DMD: variants seen among roughly 807,000 people sequenced by gnomAD.
The protein encoded by DMD is dystrophin.
A neutral mutation model predicts 330.1 loss-of-function variants in DMD; 63 were observed. The ratio of observed to expected loss-of-function variants is 0.19; its 90% CI spans 0.16 to 0.24. DMD has a LOEUF of 0.24. Among genes scored for constraint, DMD ranks in the 10% least tolerant of loss-of-function variants. The pLI, the probability that DMD is intolerant of heterozygous loss-of-function variation, is 1.00. For missense variants in DMD, 3,344 were observed against 2,684.1 expected (o/e 1.25, Z -5.43); for synonymous variants, 1,223 against 959.8 (o/e 1.27, Z -5.07).
intron 37 of DMD, among the ~76,000 whole-genome samples, chrX:32,351,534 A>G (rs1337952697): frequency 9.2e-6 from 1 of 109,009 alleles, no homozygotes; most frequent in Non-Finnish European, 1.9e-5. Context: ...GAAAAGGCAT[A>G]CCACAGATAC....
intron 74 of DMD, among the ~76,000 whole-genome samples, chrX:31,160,712 G>C (rs1458501990): frequency 1.8e-5 from 2 of 111,295 alleles, no homozygotes; most frequent in Non-Finnish European, 3.8e-5. Flanking sequence ...ACTGTCCTTG[G>C]AATCCTTTTT....
At chrX:32,063,734 G>A (rs543171283) in intron 44 of DMD, among the ~76,000 whole-genome samples, 1 of 110,212 alleles carries the variant, frequency 9.1e-6, no homozygotes, top group East Asian at 2.8e-4. Flanking sequence ...TATATTTGTG[G>A]GTTACTTATT....
chrX:33,052,195 CTG>C (rs2094465867), intron 1 of DMD, among the ~76,000 whole-genome samples: 1 of 111,883 alleles, frequency 8.9e-6, no homozygotes, highest in Non-Finnish European at 1.9e-5. Flanking sequence ...TGTTTCCAAA[CTG>C]TTTTTTCTAG....
chrX:32,673,159 T>C (rs954436815), intron 9 of DMD, among the ~76,000 whole-genome samples: 1 of 111,221 alleles, frequency 9.0e-6, no homozygotes, highest in Non-Finnish European at 1.9e-5. Context: ...TATCAGGAAG[T>C]GGGTTGTTGA....
chrX:32,233,779 T>G (rs970835381), intron 43 of DMD, among the ~76,000 whole-genome samples: 2 of 108,857 alleles, frequency 1.8e-5, no homozygotes, highest in Non-Finnish European at 3.8e-5. Context: ...GTTACAGGCA[T>G]GCGCCACCAT....
In DMD at chrX:31,474,729, AAAT is replaced by A. The variant is rs1337029395; in HGVS notation, c.8937+3374_8937+3376del. Among the ~76,000 whole-genome samples, 5 of 104,134 alleles carry A rather than the reference AAAT, an allele frequency of 4.8e-5. No individual in the cohort carries two copies. The South Asian group carries it at 2.1e-3, about 43-fold the overall frequency. The allele number at this position is 104,134 out of a possible 115,157, so 90.4% of individuals were successfully genotyped here. ...CGCAAAAAAAAAATAAAATAAAATA[AAAT>A]AAAATAAAATAAAATAAAATAAAAA... is the stretch of plus-strand genomic sequence containing the variant. On this transcript the variant is annotated intron_variant, in intron 59 of 78. Coordinates refer to ENST00000357033, the MANE Select transcript of DMD (RefSeq NM_004006.3).
intron 44 of DMD, among the ~76,000 whole-genome samples, chrX:32,151,082 T>C (rs1480090479): frequency 4.5e-5 from 5 of 111,781 alleles, no homozygotes; most frequent in Admixed American, 2.9e-4. Flanking sequence ...ATACTTTGTG[T>C]GTAAGATAAA....
At chrX:33,181,850 C>G (rs1456789565) in intron 1 of DMD, among the ~76,000 whole-genome samples, 2 of 111,957 alleles carry the variant, frequency 1.8e-5, no homozygotes, top group Non-Finnish European at 3.8e-5. Flanking sequence ...TTCCTTCAAC[C>G]TTTGTAAGAT....
intron 63 of DMD, among the ~76,000 whole-genome samples, chrX:31,235,684 T>C (rs1298598720): frequency 1.8e-5 from 2 of 112,554 alleles, no homozygotes; most frequent in East Asian, 5.5e-4. Context: ...CTTCAAATAA[T>C]ATAATTTTCC....
chrX:31,344,019 G>A lies in DMD; in HGVS notation c.9163+4537C>T, dbSNP rs1046828569. 7.2e-5 allele frequency among the ~76,000 whole-genome samples: 6 copies of A among 83,059 alleles called. No individual in the cohort carries two copies. The Admixed American group carries it at 8.2e-4, about 11-fold the overall frequency. The allele number at this position is 83,059 out of a possible 115,157, so 72.1% of individuals were successfully genotyped here. On this transcript the variant is annotated intron_variant, in intron 61 of 78. Coordinates refer to ENST00000357033, the MANE Select transcript of DMD (RefSeq NM_004006.3). ...AAATTTAGGGTCAGGGTCTTGCTCT[G>A]TCACACAGATTGGAGTGCGGGGGGG...
chrX:31,543,769 T>C (rs1179056100), intron 55 of DMD, among the ~76,000 whole-genome samples: 2 of 111,321 alleles, frequency 1.8e-5, no homozygotes, highest in African/African-American at 6.5e-5. Flanking sequence ...CACTAAATTC[T>C]TTGAGTAGCA....
At chrX:31,241,865 G>A (rs1385847015) in intron 63 of DMD, among the ~76,000 whole-genome samples, 2 of 111,544 alleles carry the variant, frequency 1.8e-5, no homozygotes, top group Non-Finnish European at 3.8e-5. Context: ...ATTTAACAAT[G>A]TTTTTCCCAT....
intron 60 of DMD, among the ~76,000 whole-genome samples, chrX:31,387,788 C>G (rs2060513684): frequency 9.0e-6 from 1 of 110,896 alleles, no homozygotes; most frequent in African/African-American, 3.3e-5. Context: ...TCCTCATGAA[C>G]TTTCGGGTCT....
At chrX:32,463,975 T>G (rs1393954105) in intron 24 of DMD, among the ~76,000 whole-genome samples, 1 of 111,741 alleles carries the variant, frequency 8.9e-6, no homozygotes, top group African/African-American at 3.3e-5. Flanking sequence ...GGTGTGAAGG[T>G]TATTTGTGAG....
intron 55 of DMD, among the ~76,000 whole-genome samples, chrX:31,564,362 T>C (rs1382855854): frequency 4.5e-5 from 5 of 111,824 alleles, no homozygotes; most frequent in Non-Finnish European, 9.4e-5. Flanking sequence ...GTGTATCGTA[T>C]GCTACCATTA....
At chrX:32,917,892 G>A (rs1027003718) in intron 2 of DMD, among the ~76,000 whole-genome samples, 8 of 109,409 alleles carry the variant, frequency 7.3e-5, no homozygotes, top group Non-Finnish European at 1.3e-4. Context: ...AGAAGCTTAT[G>A]ATAGCTTTCT....
chrX:31,436,191 A>T (rs1358911663), intron 60 of DMD, among the ~76,000 whole-genome samples: 1 of 112,351 alleles, frequency 8.9e-6, no homozygotes, highest in Non-Finnish European at 1.9e-5. Flanking sequence ...CATAATAGCT[A>T]GCCTTAGAAC....
rs777955789 is a variant in DMD at position 32,454,675 on chromosome X, A to G, written c.3590T>C (p.Val1197Ala). 3.4e-6 allele frequency: 4 copies of G among 1,183,820 alleles called. No homozygotes were observed. Among genetic ancestry groups the G allele is most frequent in the Non-Finnish European group, 4.5e-6 (4 of 882,900 alleles). ...YKTPDELQKA[V>A]EEMKRAKEEA... ...TTTTTTTTTTACCTTCATCTCTTCA[A>G]CTGCTTTCTGTAATTCATCTGGAGT... The change falls in exon 26 of 79, where the codon GTT (valine) becomes GCT (alanine). Residue 1197 changes from valine to alanine, a missense_variant. By Grantham distance (64) the Val-to-Ala change is moderately conservative. Coordinates refer to ENST00000357033, the MANE Select transcript of DMD (RefSeq NM_004006.3).
intron 55 of DMD, among the ~76,000 whole-genome samples, chrX:31,576,860 C>T (rs191210238): frequency 1.3e-3 from 137 of 109,048 alleles, no homozygotes; most frequent in Non-Finnish European, 2.3e-3. Context: ...GGACTACAGG[C>T]GCCCACCACC....
Sources: gnomAD v4.1 joint callset for allele counts (sites outside exome capture counted in the v4.1 genomes callset) on GRCh38, gnomAD v4.1.1 for gene constraint, MANE v1.5 for transcripts, NCBI Gene and HGNC (gene_info 2026-07-23, HGNC 2026-07-21) for gene names.